Variants in RGS12 observed in about 807,000 individuals in gnomAD.
RGS12 encodes the protein regulator of G protein signaling 12.
In RGS12, 66 loss-of-function variants were observed where a neutral mutation model predicts 120.1. The ratio of observed to expected loss-of-function variants is 0.55; its 90% CI spans 0.45 to 0.67. The LOEUF is 0.67. Among genes scored for constraint, RGS12 ranks in the 30% least tolerant of loss-of-function variants. The probability of loss-of-function intolerance (pLI) is 0.00; values close to 1 mark genes in which losing one functional copy is unlikely to be tolerated. For synonymous variants in RGS12, 827 were observed against 804.7 expected, an observed-to-expected ratio of 1.03 and a Z score of -0.47; for missense variants, 1,859 against 1,957.7, an observed-to-expected ratio of 0.95 and a Z score of 0.95.
chr4:3,420,671 C>A lies in RGS12; in HGVS notation c.2791C>A (p.Arg931Ser). The A allele has an allele frequency of 6.2e-7, 1 of 1,613,430 alleles. No individual in the cohort carries two copies. Among genetic ancestry groups the A allele is most frequent in the Non-Finnish European group, 8.5e-7 (1 of 1,180,024 alleles). ...CCTGCATGCCAATGGAGGCCTGTGT[C>A]GCCGAGAGTCGCAGGGCTCTGTGTC... ...DALHANGGLC[R>S]RESQGSVSSA... is the part of the protein sequence containing the mutation. Residue 931 changes from arginine to serine, a missense_variant, in exon 10 of 18, where the codon CGC (arginine) becomes AGC (serine). Arg to Ser is a moderately radical substitution (Grantham distance 110). This residue lies in a region of RGS12 where 375 missense variants were observed against 475.0 expected (regional missense o/e 0.79). Coordinates refer to ENST00000336727, the MANE Select transcript of RGS12 (RefSeq NM_001394154.1).
chr4:3,318,004 AT>A lies in RGS12; in HGVS notation c.1839del (p.Phe613LeufsTer63). On this transcript the variant is annotated frameshift_variant, in exon 2 of 18. Coordinates refer to ENST00000336727, the MANE Select transcript of RGS12 (RefSeq NM_001394154.1). LOFTEE classifies it high-confidence loss of function. ...CAGGAAGGCCTTTGGAATGCAAAGC[AT>A]TTTTGGTCCCCATCGAAATGTTCGA... ...WSRKAFGMQS[I>X]FGPHRNVRKT... is the part of the protein sequence containing the mutation. The A allele has an allele frequency of 6.2e-7, 1 of 1,611,956 alleles. No homozygotes were observed. Among genetic ancestry groups the A allele is most frequent in the Non-Finnish European group, 8.5e-7 (1 of 1,179,072 alleles).
At position 3,317,374 on chromosome 4, in the gene RGS12, G is replaced by T. The variant is rs1399749268; in HGVS notation, c.1204G>T (p.Ala402Ser). 1 of 1,614,110 alleles carries T rather than the reference G, an allele frequency of 6.2e-7. No individual in the cohort carries two copies. The highest frequency in any genetic ancestry group is 2.2e-5 in the East Asian group (1 of 44,882). ...DMGELIEGMR[A>S]RAFLDGDADA... ...GGGTGAGCTGATTGAGGGCATGCGG[G>T]CCCGCGCCTTTCTGGACGGGGACGC... Residue 402 changes from alanine (A) to serine (S), a missense_variant, in exon 2 of 18, where the codon GCC (alanine) becomes TCC (serine). By Grantham distance (99) the Ala-to-Ser change is moderately conservative (BLOSUM62 1). Coordinates refer to ENST00000336727, the MANE Select transcript of RGS12 (RefSeq NM_001394154.1).
rs1430105430 is a variant in RGS12, at chr4:3,431,049, G to A, written c.4114+94G>A. 6.0e-6 allele frequency: 9 copies of A among 1,505,776 alleles called. No individual in the cohort carries two copies. The East Asian group carries it at 1.7e-4, about 29-fold the overall frequency. 93.3% of individuals were successfully genotyped at this position (1,505,776 alleles called of 1,614,324 possible). On this transcript the variant is annotated intron_variant, in intron 17 of 17. Transcript: ENST00000336727. ...GGACAGTGGGCCCCCGGCTGCCACT[G>A]TTTGCTGGTGGTCTCCGTGACCCCC...
intron 1 of RGS12, among the ~76,000 whole-genome samples, chr4:3,296,271 C>T (rs1285198127): frequency 6.6e-6 from 1 of 152,176 alleles, no homozygotes; most frequent in African/African-American, 2.4e-5. Flanking sequence ...CAGCCTTGAA[C>T]TCCTGGCTCA....
chr4:3,414,297 C>T (rs1225901773), intron 5 of RGS12, 56 bp downstream of exon 5: 26 of 1,469,468 alleles, frequency 1.8e-5, no homozygotes, highest in East Asian at 1.7e-4. Flanking sequence ...CAGAGACTAC[C>T]GAGCAGGATC....
In RGS12 at chr4:3,317,986, G is replaced by C; in HGVS notation, c.1816G>C (p.Ala606Pro). The C allele has an allele frequency of 1.9e-6, 3 of 1,611,760 alleles. No homozygotes were observed. The highest frequency in any genetic ancestry group is 2.5e-6 in the Non-Finnish European group (3 of 1,178,924). Residue 606 changes from alanine to proline, a missense_variant, in exon 2 of 18, where the codon GCC (alanine) becomes CCC (proline). Physicochemically the swap from Ala to Pro is conservative, Grantham distance 27. Around this residue, in one of 3 missense-constraint regions of RGS12, gnomAD observed 967 missense variants for 994.2 expected, o/e 0.97. Coordinates refer to ENST00000336727, the MANE Select transcript of RGS12 (RefSeq NM_001394154.1). ...CCCGAAGAGGGAGTGGTCCAGGAAG[G>C]CCTTTGGAATGCAAAGCATTTTTGG... ...NAPKREWSRK[A>P]FGMQSIFGPH...
rs1243951698 is a variant in RGS12, at chr4:3,433,969, G to T, written c.4114+3014G>T. ...CACACAACAGAGGCCTCAAGCGGGA[G>T]AAGTGTCAGGCCCCTCGTGAGGCTC... On this transcript the variant is annotated intron_variant, in intron 17 of 17. Coordinates refer to ENST00000336727, the MANE Select transcript of RGS12 (RefSeq NM_001394154.1). The surrounding 1 kb of genome is among the most constrained non-coding windows in gnomAD (Gnocchi z 4.4). Among the ~76,000 whole-genome samples the T allele has an allele frequency of 6.6e-6, 1 of 152,270 alleles. No individual in the cohort carries two copies.
At chr4:3,382,084 G>A (rs1223066093) in intron 3 of RGS12, among the ~76,000 whole-genome samples, 1 of 152,196 alleles carries the variant, frequency 6.6e-6, no homozygotes, top group African/African-American at 2.4e-5. Flanking sequence ...GTTAGCTTTG[G>A]ATATTGTTCC....
At chr4:3,351,791 G>A (rs2108804888) in intron 3 of RGS12, among the ~76,000 whole-genome samples, 1 of 152,224 alleles carries the variant, frequency 6.6e-6, no homozygotes. Context: ...AGTCCTAGAA[G>A]ACTTGGTGTG....
chr4:3,367,811 C>G (rs1357708496), intron 3 of RGS12, among the ~76,000 whole-genome samples: 1 of 152,200 alleles, frequency 6.6e-6, no homozygotes, highest in African/African-American at 2.4e-5. Context: ...ATGGGGGGAG[C>G]CTAGAGAGAG....
chr4:3,397,063 T>A (rs1720111515), intron 4 of RGS12, among the ~76,000 whole-genome samples: 1 of 152,242 alleles, frequency 6.6e-6, no homozygotes, highest in Non-Finnish European at 1.5e-5. Flanking sequence ...CTCTTCTGGA[T>A]GAATGACCTC....
chr4:3,344,070 G>A (rs1250704578), intron 3 of RGS12, among the ~76,000 whole-genome samples: 6 of 152,194 alleles, frequency 3.9e-5, no homozygotes, highest in South Asian at 2.1e-4. Context: ...TGGGACGGGC[G>A]AGAGTGTTCT....
intron 4 of RGS12, chr4:3,413,845 CAT>C (rs1224470162): frequency 6.6e-5 from 35 of 530,040 alleles, no homozygotes; most frequent in Non-Finnish European, 1.1e-4. Context: ...CGTGCACACA[CAT>C]GTGCAGCCGC....
intron 3 of RGS12, chr4:3,370,239 G>C: frequency 6.2e-7 from 1 of 1,613,430 alleles, no homozygotes; most frequent in Non-Finnish European, 8.5e-7. Context: ...TCTTAGACCC[G>C]GGTGCCTAGT....
At chr4:3,344,931 C>T (rs1429594474) in intron 3 of RGS12, among the ~76,000 whole-genome samples, 1 of 152,204 alleles carries the variant, frequency 6.6e-6, no homozygotes, top group East Asian at 1.9e-4. Flanking sequence ...AGCAGCCTTC[C>T]CAAGTGAGGG....
Position 3,316,269 on chromosome 4 carries a change from A to T in RGS12, c.99A>T (p.Gly33=). The change falls in exon 2 of 18, where the codon GGA becomes GGT. Residue 33 remains glycine, a synonymous_variant. Transcript: ENST00000336727. ...VEVARGRAGY[G]FTLSGQAPCV... Reference sequence around the variant, plus strand: ...TTGCCCGGGGGAGGGCCGGCTACGGATTCACGCTTTCGGGACAGGCACCCT... The same window carrying T: ...TTGCCCGGGGGAGGGCCGGCTACGGTTTCACGCTTTCGGGACAGGCACCCT... The T allele has an allele frequency of 6.2e-7, 1 of 1,613,892 alleles. No homozygotes were observed. Among genetic ancestry groups the T allele is most frequent in the Non-Finnish European group, 8.5e-7 (1 of 1,179,878 alleles).
chr4:3,388,348 G>A (rs932251853), intron 4 of RGS12, among the ~76,000 whole-genome samples: 1 of 152,206 alleles, frequency 6.6e-6, no homozygotes, highest in African/African-American at 2.4e-5. Flanking sequence ...TTGTGTTTTT[G>A]TTATTTTTCC....
chr4:3,394,194 G>A (rs1159171909), intron 4 of RGS12, among the ~76,000 whole-genome samples: 2 of 150,970 alleles, frequency 1.3e-5, no homozygotes, highest in Admixed American at 1.3e-4. Flanking sequence ...ACAGAGTCTC[G>A]CTCTGTCACC....
chr4:3,343,418 G>A (rs1044149183), intron 3 of RGS12, among the ~76,000 whole-genome samples: 3 of 152,134 alleles, frequency 2.0e-5, no homozygotes, highest in Admixed American at 1.3e-4. Flanking sequence ...TGTGTGGCTC[G>A]TCTATCTGTG....
Sources: gnomAD v4.1 joint callset for allele counts (sites outside exome capture counted in the v4.1 genomes callset) on GRCh38, gnomAD v4.1.1 for gene constraint, gnomAD v4.1.1 regional missense constraint, Gnocchi (gnomAD v3.1) non-coding constraint, MANE v1.5 for transcripts, NCBI Gene and HGNC (gene_info 2026-07-23, HGNC 2026-07-21) for gene names.